LETM1: variants seen among roughly 807,000 people sequenced by gnomAD.
The protein encoded by LETM1 is mitochondrial proton/calcium exchanger protein.
A neutral mutation model predicts 74.5 loss-of-function variants in LETM1; 50 were observed. The ratio of observed to expected loss-of-function variants is 0.67; its 90% CI spans 0.53 to 0.85. The LOEUF is 0.85. LETM1 is among the 40% of genes least tolerant of loss of function. The pLI, the probability that LETM1 is intolerant of heterozygous loss-of-function variation, is 0.00. For missense variants in LETM1, 824 were observed against 967.8 expected, an observed-to-expected ratio of 0.85 and a Z score of 1.97; for synonymous variants, 446 against 407.1, an observed-to-expected ratio of 1.10 and a Z score of -1.15.
intron 6 of LETM1, among the ~76,000 whole-genome samples, chr4:1,831,099 G>A (rs1040758756): frequency 6.6e-6 from 1 of 152,300 alleles, no homozygotes; most frequent in African/African-American, 2.4e-5. Flanking sequence ...TGCAGACAAG[G>A]AAGGCAGCCA....
chr4:1,819,280 A>T lies in LETM1; in HGVS notation c.1743+58T>A, dbSNP rs1361514042. 6 of 1,535,828 alleles carry T rather than the reference A, an allele frequency of 3.9e-6. No homozygotes were observed. The Admixed American group carries it at 1.2e-4, about 30-fold the overall frequency. ...AAGTATTATGTATACTTTTGGGGCCAGTACAGCGATTTTACTCTTCTTGCA... is the reference window on the plus strand; with the variant it reads ...AAGTATTATGTATACTTTTGGGGCCTGTACAGCGATTTTACTCTTCTTGCA... On this transcript the variant is annotated intron_variant, in intron 11 of 13. Transcript: ENST00000302787.
intron 6 of LETM1, among the ~76,000 whole-genome samples, chr4:1,826,771 C>T (rs1712003665): frequency 6.6e-6 from 1 of 152,270 alleles, no homozygotes; most frequent in African/African-American, 2.4e-5. Context: ...CTTTCTTCTC[C>T]CTGTCCTCCT....
chr4:1,846,417 C>G (rs1712885329), intron 2 of LETM1: 1 of 151,800 alleles, frequency 6.6e-6, no homozygotes, highest in Non-Finnish European at 1.5e-5. Flanking sequence ...CAAGAACATA[C>G]CACCATGCCC....
chr4:1,824,044 C>T (rs1276547320), intron 7 of LETM1, among the ~76,000 whole-genome samples: 1 of 152,164 alleles, frequency 6.6e-6, no homozygotes, highest in African/African-American at 2.4e-5. Flanking sequence ...CCCCAGGGGC[C>T]GGGCGCGGTG....
At position 1,841,776 on chromosome 4, in the gene LETM1, G is replaced by A. The variant is rs573502675; in HGVS notation, c.165C>T (p.Cys55=). The stretch of plus-strand genomic sequence containing the variant: ...ATGTGTACACAGGGTGGATGGGAGT[G>A]CAGCAGCCAAATGGAACATTCCTTG... ...RNCLNVPFGC[C]TPIHPVYTSS... Residue 55 remains cysteine, a synonymous_variant, in exon 3 of 14, where the codon TGC becomes TGT. Coordinates refer to ENST00000302787, the MANE Select transcript of LETM1 (RefSeq NM_012318.3). 9 of 1,612,988 alleles carry A rather than the reference G, an allele frequency of 5.6e-6. No individual in the cohort carries two copies. In the South Asian group the frequency reaches 6.6e-5, roughly 12 times the overall value.
chr4:1,844,910 G>T (rs1383885569), intron 2 of LETM1, among the ~76,000 whole-genome samples: 1 of 127,878 alleles, frequency 7.8e-6, no homozygotes, highest in Non-Finnish European at 1.7e-5. Context: ...AAAAAAAAAA[G>T]GCCAGGCACA....
At position 1,823,690 on chromosome 4, in the gene LETM1, GGA is replaced by G; in HGVS notation, c.1284_1285del (p.Pro429SerfsTer53). ...CAGTGTGGACTTGAGCTGGTCGGCT[GGA>G]GAGAGGGTGTCCGGGAGGTACATGG... On this transcript the variant is annotated frameshift_variant, in exon 8 of 14. Transcript: ENST00000302787. LOFTEE classifies it high-confidence loss of function. 4.3e-6 allele frequency: 7 copies of G among 1,614,026 alleles called. No individual in the cohort carries two copies. Among genetic ancestry groups the G allele is most frequent in the South Asian group, 3.3e-5 (3 of 91,080 alleles).
In LETM1 at chr4:1,823,671, G is replaced by A. The variant is rs1230610438; in HGVS notation, c.1305C>T (p.Ser435=). 1.9e-6 allele frequency: 3 copies of A among 1,613,942 alleles called. No homozygotes were observed. The highest frequency in any genetic ancestry group is 3.3e-5 in the Admixed American group (2 of 60,008). ...DTLSPADQLK[S]TLQTLPEIVA... ...CAATCTCTGGGAGGGTCTGCAGTGT[G>A]GACTTGAGCTGGTCGGCTGGAGAGA... Residue 435 remains serine (S), a synonymous_variant, in exon 8 of 14, where the codon TCC becomes TCT. Coordinates refer to ENST00000302787, the MANE Select transcript of LETM1 (RefSeq NM_012318.3).
intron 5 of LETM1, chr4:1,833,457 GC>G (rs1001323660): frequency 5.8e-6 from 1 of 170,952 alleles, no homozygotes; most frequent in African/African-American, 2.4e-5. Flanking sequence ...GGGCCCACAG[GC>G]TGCTGCATGC....
At chr4:1,827,995 C>T (rs1228595993) in intron 6 of LETM1, among the ~76,000 whole-genome samples, 1 of 140,830 alleles carries the variant, frequency 7.1e-6, no homozygotes, top group Non-Finnish European at 1.5e-5. Context: ...CAGGGGCGGC[C>T]GGGCAGAGGC....
chr4:1,841,887 A>C, intron 2 of LETM1, 90 bp from the exon 3 acceptor site: 1 of 911,314 alleles, frequency 1.1e-6, no homozygotes, highest in Non-Finnish European at 1.7e-6. Flanking sequence ...CAAAACCCAC[A>C]TGCCCCGTGC....
chr4:1,833,088 T>C, intron 5 of LETM1, 141 bp from the exon 6 acceptor site: 1 of 700,606 alleles, frequency 1.4e-6, no homozygotes, highest in Non-Finnish European at 2.4e-6. Context: ...TTTTTTTTGT[T>C]TGAGACAGGG....
chr4:1,817,200 A>G (rs1299798106), intron 11 of LETM1, among the ~76,000 whole-genome samples: 1 of 142,162 alleles, frequency 7.0e-6, no homozygotes, highest in Non-Finnish European at 1.5e-5. Flanking sequence ...AGCCAAGACC[A>G]TGCCAACGCA....
intron 7 of LETM1, among the ~76,000 whole-genome samples, chr4:1,824,506 C>A (rs1711911366): frequency 1.3e-5 from 2 of 152,176 alleles, no homozygotes; most frequent in Admixed American, 1.3e-4. Context: ...TAGAGACAAA[C>A]TGAACACGGG....
intron 2 of LETM1, among the ~76,000 whole-genome samples, chr4:1,848,421 G>T (rs975205338): frequency 2.0e-5 from 3 of 151,882 alleles, no homozygotes; most frequent in Non-Finnish European, 4.4e-5. Context: ...GGTGGCGGGC[G>T]CCTGTAGTTC....
chr4:1,852,297 A>G (rs1438024043), intron 1 of LETM1, among the ~76,000 whole-genome samples: 2 of 152,200 alleles, frequency 1.3e-5, no homozygotes, highest in African/African-American at 4.8e-5. Context: ...GTCACAGTTT[A>G]TTATAAAGGG....
Position 1,823,260 on chromosome 4 carries a change from G to A in LETM1, c.1333-129C>T, listed in dbSNP as rs890929960. On this transcript the variant is annotated intron_variant, in intron 8 of 13. Transcript: ENST00000302787. ...TGGGCTTCACACACACAGGACAGAA[G>A]GCACTGCCGAGGTGCTGCCCGCAAT... The A allele has an allele frequency of 3.9e-6, 5 of 1,272,290 alleles. No individual in the cohort carries two copies. In the African/African-American group the frequency reaches 7.5e-5, roughly 19 times the overall value. The allele number at this position is 1,272,290 out of a possible 1,614,324, so 78.8% of individuals were successfully genotyped here.
At chr4:1,827,274 C>CTTTTTTTTTTTTTTTTTT (rs759264558) in intron 6 of LETM1, among the ~76,000 whole-genome samples, 1 of 103,746 alleles carries the variant, frequency 9.6e-6, no homozygotes, top group Non-Finnish European at 2.1e-5. Flanking sequence ...ATTGACAGTT[C>CTTTTTTTTTTTTTTTTTT]TTTTTTTTTT....
intron 6 of LETM1, among the ~76,000 whole-genome samples, chr4:1,828,299 G>A (rs1222416744): frequency 1.0e-4 from 13 of 124,648 alleles, no homozygotes; most frequent in Non-Finnish European, 1.9e-4. Context: ...CCTCCCTCCC[G>A]GACGGGGCGG....
Sources: gnomAD v4.1 joint callset for allele counts (sites outside exome capture counted in the v4.1 genomes callset) on GRCh38, gnomAD v4.1.1 for gene constraint, MANE v1.5 for transcripts, NCBI Gene and HGNC (gene_info 2026-07-23, HGNC 2026-07-21) for gene names.